The following NKAIN3 variants were observed in gnomAD, a reference collection of about 807,000 sequenced individuals.
NKAIN3 encodes sodium/potassium-transporting ATPase subunit beta-1-interacting protein 3.
Under a neutral mutation model 30.2 loss-of-function variants are expected in NKAIN3, and 25 were observed. The ratio of observed to expected loss-of-function variants is 0.83; its 90% CI spans 0.60 to 1.16. The LOEUF is 1.16. NKAIN3 is among the 50% of genes most tolerant of loss of function. NKAIN3 has a pLI of 0.00. For missense variants in NKAIN3, 225 were observed against 254.1 expected, an observed-to-expected ratio of 0.89 and a Z score of 0.78; for synonymous variants, 91 against 89.6, an observed-to-expected ratio of 1.02 and a Z score of -0.09.
At chr8:62,527,927 CAG>C (rs1332533587) in intron 1 of NKAIN3, among the ~76,000 whole-genome samples, 3 of 115,044 alleles carry the variant, frequency 2.6e-5, no homozygotes, top group African/African-American at 6.2e-5. Context: ...GACAGAGAGA[CAG>C]AGAGACAGAA....
At chr8:62,819,171 G>A (rs1818779204) in intron 4 of NKAIN3, among the ~76,000 whole-genome samples, 1 of 143,268 alleles carries the variant, frequency 7.0e-6, no homozygotes, top group Admixed American at 6.9e-5. Flanking sequence ...ATATATAATT[G>A]TTATTTTTGT....
At chr8:62,514,148 G>T (rs117671354) in intron 1 of NKAIN3, among the ~76,000 whole-genome samples, 1 of 152,060 alleles carries the variant, frequency 6.6e-6, no homozygotes, top group Non-Finnish European at 1.5e-5. Context: ...CTCATTGTTT[G>T]AAAAAGCTCA....
chr8:62,380,033 C>T (rs573584975), intron 1 of NKAIN3, among the ~76,000 whole-genome samples: 37 of 152,146 alleles, frequency 2.4e-4, no homozygotes, highest in African/African-American at 8.4e-4. Context: ...AGGAAAAGTG[C>T]CTTGCAATTA....
rs59377629 is a variant in NKAIN3 at position 62,423,092 on chromosome 8, CAA to C, written c.55-156446_55-156445del. ...GGAAAAACCATAGCACATTTAACCA[CAA>C]TGTCGGCCTGGAAGTGACACAAATC... On this transcript the variant is annotated intron_variant, in intron 1 of 6. Coordinates refer to ENST00000623646, the MANE Select transcript of NKAIN3 (RefSeq NM_001304533.3). 2.2e-3 allele frequency among the ~76,000 whole-genome samples: 332 copies of C among 152,156 alleles called. 2 individuals are homozygous for C. Among genetic ancestry groups the C allele is most frequent in the African/African-American group, 7.0e-3 (292 of 41,524 alleles).
chr8:62,905,518 G>C (rs761707916), intron 4 of NKAIN3, among the ~76,000 whole-genome samples: 9 of 152,066 alleles, frequency 5.9e-5, no homozygotes, highest in Non-Finnish European at 1.3e-4. Context: ...TTTCTCCAGC[G>C]ACTATCCTTT....
At chr8:62,803,647 C>T (rs191181976) in intron 4 of NKAIN3, among the ~76,000 whole-genome samples, 2 of 152,150 alleles carry the variant, frequency 1.3e-5, no homozygotes, top group African/African-American at 4.8e-5. Flanking sequence ...CACTAAATGC[C>T]TGCAAGAGAA....
chr8:62,796,669 TATCTTGTACTGTGCAGAGGAACA>T (rs1817870851), intron 4 of NKAIN3, among the ~76,000 whole-genome samples: 1 of 152,150 alleles, frequency 6.6e-6, no homozygotes, highest in African/African-American at 2.4e-5. Flanking sequence ...AGTCTTAACC[TATCTTGTACTGTGCAGAGGAACA>T]AGTATGTACA....
At chr8:62,431,146 T>G (rs1420678252) in intron 1 of NKAIN3, among the ~76,000 whole-genome samples, 1 of 151,930 alleles carries the variant, frequency 6.6e-6, no homozygotes, top group Non-Finnish European at 1.5e-5. Context: ...AGGTAAATGA[T>G]TTTTGTCACA....
intron 4 of NKAIN3, among the ~76,000 whole-genome samples, chr8:62,822,428 T>C (rs1394407229): frequency 6.6e-6 from 1 of 152,196 alleles, no homozygotes; most frequent in Non-Finnish European, 1.5e-5. Flanking sequence ...CTGACCCGCA[T>C]GTACATAACA....
chr8:62,573,740 T>A (rs1272822052), intron 1 of NKAIN3, among the ~76,000 whole-genome samples: 1 of 152,134 alleles, frequency 6.6e-6, no homozygotes, highest in Non-Finnish European at 1.5e-5. Flanking sequence ...AAGCTTTTAA[T>A]TTTTAATTTT....
intron 1 of NKAIN3, among the ~76,000 whole-genome samples, chr8:62,551,206 T>G (rs1186771845): frequency 6.6e-6 from 1 of 152,156 alleles, no homozygotes; most frequent in African/African-American, 2.4e-5. Context: ...TTAATGGTGC[T>G]TCTCCTAAGT....
At chr8:62,590,009 C>CA (rs1465648861) in intron 3 of NKAIN3, among the ~76,000 whole-genome samples, 1 of 151,056 alleles carries the variant, frequency 6.6e-6, no homozygotes, top group African/African-American at 2.4e-5. Flanking sequence ...AACTTCAAAA[C>CA]AACTGCCTTC....
rs1353850281 is a variant in NKAIN3 at position 62,918,302 on chromosome 8, T to C, written c.472-151T>C. ...GCTGCATAGAAATGAAAAGGCTCTTTTAAAATCACAGCTATCATTTTAAAA... is the reference window on the plus strand; with the variant it reads ...GCTGCATAGAAATGAAAAGGCTCTTCTAAAATCACAGCTATCATTTTAAAA... On this transcript the variant is annotated intron_variant, in intron 4 of 6. Transcript: ENST00000623646. 4.5e-6 allele frequency: 3 copies of C among 669,032 alleles called. No individual in the cohort carries two copies. The Admixed American group carries it at 8.6e-5, about 19-fold the overall frequency. 41.4% of individuals were successfully genotyped at this position (669,032 alleles called of 1,614,324 possible). A position where few individuals can be genotyped will look rare whatever the true frequency, so the allele number is the denominator to read the frequency against.
At chr8:62,767,852 G>A (rs1173469460) in intron 4 of NKAIN3, among the ~76,000 whole-genome samples, 1 of 151,198 alleles carries the variant, frequency 6.6e-6, no homozygotes, top group East Asian at 1.9e-4. Flanking sequence ...GGAAAACTTG[G>A]TACAAAAAAG....
At position 62,856,378 on chromosome 8, in the gene NKAIN3, A is replaced by G. The variant is rs1423063418; in HGVS notation, c.472-62075A>G. ...CTGGTCTCCTTGGAGTGAACCTTCT[A>G]GTTTGCTGGATTCCTCAAAGTGAAC... On this transcript the variant is annotated intron_variant, in intron 4 of 6. Coordinates refer to ENST00000623646, the MANE Select transcript of NKAIN3 (RefSeq NM_001304533.3). The G allele has an allele frequency of 4.8e-6, 4 of 826,960 alleles. No homozygotes were observed. The Admixed American group carries it at 5.1e-5, about 11-fold the overall frequency. 51.2% of individuals were successfully genotyped at this position (826,960 alleles called of 1,614,324 possible).
chr8:62,529,144 T>G (rs2129827987), intron 1 of NKAIN3, among the ~76,000 whole-genome samples: 1 of 152,258 alleles, frequency 6.6e-6, no homozygotes, highest in South Asian at 2.1e-4. Flanking sequence ...TGTAATCCTG[T>G]CCTCTTCCCA....
chr8:62,797,391 G>A (rs999857858), intron 4 of NKAIN3, among the ~76,000 whole-genome samples: 2 of 152,158 alleles, frequency 1.3e-5, no homozygotes, highest in African/African-American at 2.4e-5. Flanking sequence ...TTAAAAGAAT[G>A]ATTCTACCAA....
chr8:62,587,261 A>C (rs1320018779), intron 2 of NKAIN3, among the ~76,000 whole-genome samples: 4 of 151,984 alleles, frequency 2.6e-5, no homozygotes, highest in Non-Finnish European at 4.4e-5. Flanking sequence ...AATCAAAAAT[A>C]TATATTTTCT....
intron 1 of NKAIN3, among the ~76,000 whole-genome samples, chr8:62,428,278 A>T (rs140062759): frequency 1.1e-3 from 174 of 152,056 alleles, no homozygotes; most frequent in African/African-American, 4.1e-3. Flanking sequence ...TATCTTGACT[A>T]TTGTGAATGG....
Sources: allele counts gnomAD v4.1 joint callset (sites outside exome capture counted in the v4.1 genomes callset), GRCh38; gene constraint gnomAD v4.1.1; transcripts MANE v1.5; gene names NCBI Gene and HGNC (gene_info 2026-07-23, HGNC 2026-07-21).